Variants in SORCS1 observed in about 807,000 individuals in gnomAD.
The protein encoded by SORCS1 is VPS10 domain-containing receptor SorCS1.
A neutral mutation model predicts 146.1 loss-of-function variants in SORCS1; 60 were observed. The ratio of observed to expected loss-of-function variants is 0.41; its 90% CI spans 0.33 to 0.51. The LOEUF (loss-of-function observed/expected upper bound fraction) is 0.51, where lower values mean the gene tolerates loss of function less well. Among genes scored for constraint, SORCS1 ranks in the 20% least tolerant of loss-of-function variants. SORCS1 has a pLI of 0.21. For missense variants in SORCS1, 1,352 were observed against 1,487.6 expected, an observed-to-expected ratio of 0.91 and a Z score of 1.50; for synonymous variants, 637 against 584.0, an observed-to-expected ratio of 1.09 and a Z score of -1.31.
At chr10:106,584,147 T>G (rs1287778527) in intron 24 of SORCS1, among the ~76,000 whole-genome samples, 1 of 152,210 alleles carries the variant, frequency 6.6e-6, no homozygotes, top group African/African-American at 2.4e-5. Context: ...TCTGAAATAT[T>G]TTTTCAGAAA....
At position 106,575,054 on chromosome 10, in the gene SORCS1, A is replaced by G. The variant is rs891565426; in HGVS notation, c.*2366T>C. On this transcript the variant is annotated 3_prime_UTR_variant, in exon 26 of 26. Transcript: ENST00000263054. ...ACCTCTTTCATACTTTTCTAATTAA[A>G]ATGAATTGAACTGCAACTCTGAGGA... The G allele has an allele frequency of 6.6e-6, 1 of 152,638 alleles. No individual in the cohort carries two copies. The highest frequency in any genetic ancestry group is 1.5e-5 in the Non-Finnish European group (1 of 68,048). 9.5% of individuals were successfully genotyped at this position (152,638 alleles called of 1,614,324 possible).
At chr10:106,595,119 G>T (rs887843719) in intron 24 of SORCS1, among the ~76,000 whole-genome samples, 1 of 152,136 alleles carries the variant, frequency 6.6e-6, no homozygotes, top group African/African-American at 2.4e-5. Context: ...GGTAGGAAAA[G>T]GCCAGTCAGG....
chr10:107,074,401 C>T (rs1019163495), intron 1 of SORCS1, among the ~76,000 whole-genome samples: 2 of 152,150 alleles, frequency 1.3e-5, no homozygotes, highest in African/African-American at 4.8e-5. Flanking sequence ...CTGAGTAATA[C>T]TCCATTTTCT....
chr10:106,830,941 T>C (rs2137021259), intron 2 of SORCS1, among the ~76,000 whole-genome samples: 1 of 151,622 alleles, frequency 6.6e-6, no homozygotes, highest in Non-Finnish European at 1.5e-5. Context: ...ACACCTGTAA[T>C]CTCAGCACTT....
intron 1 of SORCS1, among the ~76,000 whole-genome samples, chr10:107,133,761 T>C (rs1967045370): frequency 6.6e-6 from 1 of 152,188 alleles, no homozygotes. Context: ...TTTCTAACAT[T>C]CAGAACTTTA....
intron 2 of SORCS1, among the ~76,000 whole-genome samples, chr10:106,869,460 C>T (rs1950331236): frequency 6.6e-6 from 1 of 152,136 alleles, no homozygotes; most frequent in Admixed American, 6.5e-5. Context: ...TACTTGCAAA[C>T]TGAATCCAGC....
At chr10:106,819,087 T>A (rs772221639) in intron 3 of SORCS1, among the ~76,000 whole-genome samples, 5 of 152,220 alleles carry the variant, frequency 3.3e-5, no homozygotes, top group Non-Finnish European at 7.3e-5. Context: ...AAAGACAGCA[T>A]AAGGCATGGC....
At chr10:107,058,208 A>G (rs1398127485) in intron 1 of SORCS1, among the ~76,000 whole-genome samples, 1 of 151,554 alleles carries the variant, frequency 6.6e-6, no homozygotes, top group Non-Finnish European at 1.5e-5. Flanking sequence ...TGCCCAGCTA[A>G]TTTTTTGTAT....
At chr10:106,973,943 A>C (rs1955893618) in intron 1 of SORCS1, among the ~76,000 whole-genome samples, 1 of 152,222 alleles carries the variant, frequency 6.6e-6, no homozygotes, top group Non-Finnish European at 1.5e-5. Context: ...AGGCAGGCAC[A>C]ATAAAGATAA....
At chr10:106,609,521 G>A (rs545879986) in intron 22 of SORCS1, among the ~76,000 whole-genome samples, 1 of 152,276 alleles carries the variant, frequency 6.6e-6, no homozygotes, top group South Asian at 2.1e-4. Flanking sequence ...TAAAAAAGTG[G>A]CCAAGTGCAA....
At chr10:106,878,991 C>CA (rs1014143189) in intron 2 of SORCS1, among the ~76,000 whole-genome samples, 6 of 149,540 alleles carry the variant, frequency 4.0e-5, no homozygotes, top group East Asian at 2.0e-4. Context: ...ACTAAAAATA[C>CA]AAAAAAAAAG....
chr10:107,103,819 T>C (rs1183012200), intron 1 of SORCS1, among the ~76,000 whole-genome samples: 5 of 152,194 alleles, frequency 3.3e-5, no homozygotes, highest in African/African-American at 4.8e-5. Context: ...TTCTCCTTCA[T>C]GTAAAACTCA....
chr10:106,599,002 C>A (rs148536302), intron 23 of SORCS1, among the ~76,000 whole-genome samples: 193 of 152,304 alleles, frequency 1.3e-3, no homozygotes, highest in Non-Finnish European at 2.4e-3. Flanking sequence ...TAAAACTATG[C>A]TGAAAACAAA....
chr10:106,677,271 G>T, intron 13 of SORCS1, 42 bp downstream of exon 13: 2 of 1,547,616 alleles, frequency 1.3e-6, no homozygotes, highest in Non-Finnish European at 8.9e-7. Flanking sequence ...TAGCAGTTCA[G>T]GACCATCAGG....
chr10:106,836,271 G>A (rs567421217), intron 2 of SORCS1, among the ~76,000 whole-genome samples: 1 of 152,024 alleles, frequency 6.6e-6, no homozygotes, highest in East Asian at 2.0e-4. Context: ...TCAGGAGATC[G>A]AGATCATCCT....
chr10:107,034,316 A>C (rs1416747872), intron 1 of SORCS1, among the ~76,000 whole-genome samples: 5 of 152,094 alleles, frequency 3.3e-5, no homozygotes, highest in Non-Finnish European at 7.3e-5. Flanking sequence ...ACACTGCTTC[A>C]TCAGGGAAGT....
At chr10:107,115,928 A>G (rs775627862) in intron 1 of SORCS1, among the ~76,000 whole-genome samples, 3 of 152,126 alleles carry the variant, frequency 2.0e-5, no homozygotes, top group Admixed American at 6.5e-5. Flanking sequence ...CTGATTAAAA[A>G]GTGCACAAAG....
intron 2 of SORCS1, among the ~76,000 whole-genome samples, chr10:106,945,492 G>A (rs1954291383): frequency 6.6e-6 from 1 of 152,178 alleles, no homozygotes; most frequent in African/African-American, 2.4e-5. Flanking sequence ...ATGAGGATGT[G>A]GAAGGTAACT....
At chr10:106,831,786 T>C (rs1948556532) in intron 2 of SORCS1, among the ~76,000 whole-genome samples, 1 of 152,196 alleles carries the variant, frequency 6.6e-6, no homozygotes, top group Non-Finnish European at 1.5e-5. Context: ...AGGATTTAGA[T>C]GCCATTCCTA....
Sources: allele counts gnomAD v4.1 joint callset (sites outside exome capture counted in the v4.1 genomes callset), GRCh38; gene constraint gnomAD v4.1.1; transcripts MANE v1.5; gene names NCBI Gene and HGNC (gene_info 2026-07-23, HGNC 2026-07-21).